Variants in EXOC4 observed in about 807,000 individuals in gnomAD.
EXOC4 encodes the protein exocyst complex component 4.
Under a neutral mutation model 107.2 loss-of-function variants are expected in EXOC4, and 71 were observed. The ratio of observed to expected loss-of-function variants is 0.66; its 90% CI spans 0.55 to 0.81. The LOEUF (loss-of-function observed/expected upper bound fraction) is 0.81, where lower values mean the gene tolerates loss of function less well. Ranked by LOEUF, EXOC4 falls within the 30% of genes least tolerant of loss-of-function variation. The probability of loss-of-function intolerance (pLI) is 0.00; values close to 1 mark genes in which losing one functional copy is unlikely to be tolerated. For missense variants in EXOC4, 1,108 were observed against 1,189.6 expected (o/e 0.93, Z 1.01); for synonymous variants, 456 against 441.2 (o/e 1.03, Z -0.42).
At chr7:133,871,032 G>A (rs1798739891) in intron 11 of EXOC4, among the ~76,000 whole-genome samples, 1 of 152,162 alleles carries the variant, frequency 6.6e-6, no homozygotes, top group Non-Finnish European at 1.5e-5. Context: ...TGAGCTGGTT[G>A]TTAAATACAG....
intron 7 of EXOC4, among the ~76,000 whole-genome samples, chr7:133,380,189 G>A (rs1796583298): frequency 6.6e-6 from 1 of 151,140 alleles, no homozygotes; most frequent in Admixed American, 6.6e-5. Flanking sequence ...GTATACATAT[G>A]TAACAAACCT....
intron 10 of EXOC4, among the ~76,000 whole-genome samples, chr7:133,725,937 AG>A (rs1220746181): frequency 6.6e-6 from 1 of 152,138 alleles, no homozygotes; most frequent in Non-Finnish European, 1.5e-5. Flanking sequence ...AATAACTTAA[AG>A]GTGTTTGGAC....
the EXOC4 span, among the ~76,000 whole-genome samples, chr7:134,092,938 A>T: frequency 2.0e-5 from 3 of 151,076 alleles, no homozygotes; most frequent in Non-Finnish European, 4.4e-5. Flanking sequence ...AAAAAAAAAA[A>T]GGAAACCAAA....
At chr7:133,515,591 C>T (rs1441939083) in intron 9 of EXOC4, among the ~76,000 whole-genome samples, 1 of 152,076 alleles carries the variant, frequency 6.6e-6, no homozygotes. Flanking sequence ...ACCTCAGCCT[C>T]CCCATTAGCT....
At chr7:134,039,479 A>G (rs1019554428) in intron 17 of EXOC4, among the ~76,000 whole-genome samples, 6 of 152,180 alleles carry the variant, frequency 3.9e-5, no homozygotes, top group African/African-American at 1.4e-4. Context: ...TGTTCTTAGA[A>G]TTCTGAACAA....
chr7:133,329,428 A>T (rs940177526), intron 5 of EXOC4, among the ~76,000 whole-genome samples: 4 of 152,016 alleles, frequency 2.6e-5, no homozygotes, highest in East Asian at 1.9e-4. Flanking sequence ...TTGTCAACTC[A>T]TTCATCAAAC....
intron 7 of EXOC4, among the ~76,000 whole-genome samples, chr7:133,399,030 C>T (rs573297281): frequency 5.9e-5 from 9 of 152,266 alleles, no homozygotes; most frequent in African/African-American, 1.4e-4. Context: ...ATTAGTTGGT[C>T]CTCCTGCCAT....
At chr7:133,631,019 CTACTG>C (rs1802579789) in intron 10 of EXOC4, among the ~76,000 whole-genome samples, 1 of 152,114 alleles carries the variant, frequency 6.6e-6, no homozygotes, top group South Asian at 2.1e-4. Flanking sequence ...ATAGTTAACA[CTACTG>C]TATGGTACAT....
At chr7:134,062,585 G>T (rs187254231) in intron 17 of EXOC4, among the ~76,000 whole-genome samples, 271 of 152,300 alleles carry the variant, frequency 1.8e-3, no homozygotes, top group Middle Eastern at 0.01. Context: ...TGCACTGCCT[G>T]GTTCTGTCCC....
intron 10 of EXOC4, among the ~76,000 whole-genome samples, chr7:133,687,015 GTGTGTGTGTGTGTGTGTGTGTGTC>G (rs1794317913): frequency 1.3e-5 from 2 of 150,980 alleles, no homozygotes; most frequent in South Asian, 2.1e-4. Flanking sequence ...GTGTGTGTGT[GTGTGTGTGTGTGTGTGTGTGTGTC>G]TGTGTGTGTG....
chr7:133,857,779 G>A (rs1167494460), intron 11 of EXOC4, among the ~76,000 whole-genome samples: 3 of 152,112 alleles, frequency 2.0e-5, no homozygotes, highest in African/African-American at 7.2e-5. Context: ...AAAACTCGGA[G>A]ATGCCAGCAA....
intron 14 of EXOC4, among the ~76,000 whole-genome samples, chr7:133,956,401 C>T (rs937668066): frequency 3.3e-5 from 5 of 152,190 alleles, no homozygotes; most frequent in Non-Finnish European, 7.3e-5. Context: ...TTAATCATTG[C>T]AAAGTGAAGC....
chr7:133,526,952 C>G (rs1417443395), intron 9 of EXOC4, among the ~76,000 whole-genome samples: 1 of 150,788 alleles, frequency 6.6e-6, no homozygotes, highest in African/African-American at 2.4e-5. Flanking sequence ...AGCCTGGCAA[C>G]AGAGCGAGAC....
rs950790602 is a variant in EXOC4 at position 133,953,995 on chromosome 7, G to A, written c.2206+15926G>A. Reference sequence around the variant, plus strand: ...CTGCAGGAACCCCAAGGATTCCTCAGCAGAGAGAGGCTCAATCTTCTGCCA... The same window carrying A: ...CTGCAGGAACCCCAAGGATTCCTCAACAGAGAGAGGCTCAATCTTCTGCCA... On this transcript the variant is annotated intron_variant, in intron 14 of 17. Transcript: ENST00000253861. Among the ~76,000 whole-genome samples the A allele has an allele frequency of 9.9e-5, 15 of 152,244 alleles. 1 individual carries two copies. The highest frequency in any genetic ancestry group is 6.5e-5 in the Admixed American group (1 of 15,292).
chr7:133,410,148 G>A (rs1797323767), intron 7 of EXOC4, among the ~76,000 whole-genome samples: 1 of 152,016 alleles, frequency 6.6e-6, no homozygotes, highest in South Asian at 2.1e-4. Flanking sequence ...ACACAGTTTT[G>A]AAATGGTTTT....
chr7:133,519,362 G>T (rs1025259753), intron 9 of EXOC4, among the ~76,000 whole-genome samples: 1 of 152,108 alleles, frequency 6.6e-6, no homozygotes, highest in Non-Finnish European at 1.5e-5. Flanking sequence ...GGTCGAGGCT[G>T]CAGTAAGCTG....
At chr7:133,650,566 TATAAGCCCTAATTC>T (rs765150961) in intron 10 of EXOC4, among the ~76,000 whole-genome samples, 15 of 152,188 alleles carry the variant, frequency 9.9e-5, no homozygotes, top group Non-Finnish European at 2.2e-4. Flanking sequence ...GGATCTAAAT[TATAAGCCCTAATTC>T]ATGCCACTTC....
chr7:133,476,756 A>C (rs1287581387), intron 8 of EXOC4, among the ~76,000 whole-genome samples: 1 of 152,222 alleles, frequency 6.6e-6, no homozygotes. Context: ...CTTTAAATAC[A>C]ATAGATTGAA....
intron 8 of EXOC4, among the ~76,000 whole-genome samples, chr7:133,478,430 A>G (rs774183869): frequency 3.9e-5 from 6 of 152,162 alleles, no homozygotes; most frequent in Non-Finnish European, 7.3e-5. Flanking sequence ...CCGTTATTAC[A>G]GATTTGTCTG....
Sources: gnomAD v4.1 joint callset for allele counts (sites outside exome capture counted in the v4.1 genomes callset) on GRCh38, gnomAD v4.1.1 for gene constraint, MANE v1.5 for transcripts, NCBI Gene and HGNC (gene_info 2026-07-23, HGNC 2026-07-21) for gene names.